Variants in GPC6 observed in about 807,000 individuals in gnomAD.
The protein encoded by GPC6 is glypican-6.
Under a neutral mutation model 55.2 loss-of-function variants are expected in GPC6, and 14 were observed. The ratio of observed to expected loss-of-function variants is 0.25; its 90% confidence interval spans 0.17 to 0.40. The LOEUF is 0.40. Ranked by LOEUF, GPC6 falls within the 10% of genes least tolerant of loss-of-function variation. The pLI is 1.00. For missense variants in GPC6, 641 were observed against 708.5 expected (o/e 0.90, Z 1.08); for synonymous variants, 278 against 259.6 (o/e 1.07, Z -0.68).
At chr13:94,274,486 C>T (rs1206266069) in intron 4 of GPC6, among the ~76,000 whole-genome samples, 1 of 152,000 alleles carries the variant, frequency 6.6e-6, no homozygotes, top group Admixed American at 6.6e-5. Flanking sequence ...TATTGTTTAC[C>T]TCATTCTGGG....
intron 2 of GPC6, among the ~76,000 whole-genome samples, chr13:93,717,602 A>G (rs1465795498): frequency 6.6e-6 from 1 of 151,546 alleles, no homozygotes; most frequent in African/African-American, 2.4e-5. Context: ...GAAAACAACT[A>G]TTATTTTTTA....
intron 2 of GPC6, among the ~76,000 whole-genome samples, chr13:93,668,467 C>T (rs941734749): frequency 1.3e-5 from 2 of 152,138 alleles, no homozygotes; most frequent in African/African-American, 2.4e-5. Context: ...CCTATGAATA[C>T]GACCTTATTT....
intron 3 of GPC6, among the ~76,000 whole-genome samples, chr13:93,862,865 CT>C (rs1340269653): frequency 6.6e-6 from 1 of 151,428 alleles, no homozygotes; most frequent in Non-Finnish European, 1.5e-5. Flanking sequence ...TTTTTTTTCT[CT>C]CTCTGGTTAG....
chr13:93,979,097 A>G (rs547237693), intron 3 of GPC6, among the ~76,000 whole-genome samples: 2 of 152,222 alleles, frequency 1.3e-5, no homozygotes, highest in East Asian at 3.9e-4. Flanking sequence ...GGACAACACT[A>G]TCCAATAGAA....
chr13:93,347,923 G>A (rs74743206), intron 1 of GPC6, among the ~76,000 whole-genome samples: 2,392 of 152,242 alleles, frequency 0.016, 50 homozygotes, highest in African/African-American at 0.051. Context: ...GAGTAAACCA[G>A]TGTGGGCAAA....
intron 2 of GPC6, among the ~76,000 whole-genome samples, chr13:93,659,138 C>T (rs1438940772): frequency 6.6e-6 from 1 of 151,696 alleles, no homozygotes; most frequent in Non-Finnish European, 1.5e-5. Context: ...TTGTCATATT[C>T]GTTAGTATAA....
At chr13:94,048,034 A>G (rs1270863021) in intron 4 of GPC6, among the ~76,000 whole-genome samples, 3 of 152,100 alleles carry the variant, frequency 2.0e-5, no homozygotes, top group African/African-American at 7.2e-5. Context: ...TGGCAATTAA[A>G]AAAAAAATAA....
intron 3 of GPC6, among the ~76,000 whole-genome samples, chr13:93,842,720 C>T (rs909202563): frequency 5.9e-5 from 9 of 151,932 alleles, no homozygotes; most frequent in African/African-American, 1.9e-4. Flanking sequence ...TAAGTTGTTG[C>T]TCCAGCTTAA....
chr13:94,397,655 G>A (rs1450994186), intron 7 of GPC6, among the ~76,000 whole-genome samples: 1 of 152,136 alleles, frequency 6.6e-6, no homozygotes, highest in African/African-American at 2.4e-5. Context: ...AGTTGAGAAT[G>A]GGCATCCTCA....
chr13:93,598,213 C>G (rs1337720158), intron 2 of GPC6, among the ~76,000 whole-genome samples: 1 of 152,124 alleles, frequency 6.6e-6, no homozygotes, highest in African/African-American at 2.4e-5. Flanking sequence ...GTTGGCATCT[C>G]TAACCCCCAC....
intron 2 of GPC6, among the ~76,000 whole-genome samples, chr13:93,723,979 T>C (rs912879848): frequency 3.3e-5 from 5 of 152,010 alleles, no homozygotes; most frequent in Admixed American, 3.3e-4. Flanking sequence ...ATTTGTGTTT[T>C]ACTCCTAAGG....
intron 4 of GPC6, among the ~76,000 whole-genome samples, chr13:94,137,159 T>C (rs1282139575): frequency 6.6e-6 from 1 of 152,242 alleles, no homozygotes; most frequent in East Asian, 1.9e-4. Flanking sequence ...AGATCGCTTG[T>C]ACATGACATA....
chr13:94,317,405 A>AG (rs199740974), intron 6 of GPC6, among the ~76,000 whole-genome samples: 3 of 151,660 alleles, frequency 2.0e-5, no homozygotes, highest in African/African-American at 7.3e-5. Context: ...CTAGAACAAA[A>AG]GGGTAAACAC....
At chr13:94,013,062 A>G (rs923011136) in intron 3 of GPC6, among the ~76,000 whole-genome samples, 1 of 152,180 alleles carries the variant, frequency 6.6e-6, no homozygotes, top group East Asian at 1.9e-4. Flanking sequence ...ATAAAAGGCA[A>G]ATCCTCATAA....
At chr13:94,177,213 A>G (rs1317464839) in intron 4 of GPC6, among the ~76,000 whole-genome samples, 1 of 152,200 alleles carries the variant, frequency 6.6e-6, no homozygotes, top group Non-Finnish European at 1.5e-5. Flanking sequence ...CATGTAAGAG[A>G]ACACGATGTA....
intron 4 of GPC6, among the ~76,000 whole-genome samples, chr13:94,190,159 C>T (rs1320921015): frequency 6.6e-6 from 1 of 151,426 alleles, no homozygotes; most frequent in Admixed American, 6.6e-5. Context: ...CCTGTCTTTA[C>T]TAAAAATACA....
At chr13:93,357,827 CA>C (rs1266928463) in intron 1 of GPC6, among the ~76,000 whole-genome samples, 1 of 152,052 alleles carries the variant, frequency 6.6e-6, no homozygotes, top group Non-Finnish European at 1.5e-5. Flanking sequence ...AGCCTGCCTC[CA>C]AAAAATGTAA....
At position 93,906,325 on chromosome 13, in the gene GPC6, C is replaced by T. The variant is rs1017319395; in HGVS notation, c.711+75780C>T. 3.3e-5 allele frequency among the ~76,000 whole-genome samples: 5 copies of T among 152,234 alleles called. No homozygotes were observed. In the South Asian group the frequency reaches 8.3e-4, roughly 25 times the overall value. On this transcript the variant is annotated intron_variant, in intron 3 of 8. Transcript: ENST00000377047. ...CACTGTAATTGAAACCTTCCAGTCCCAATTCCAAACTCTCAGAGAAGGAAC... is the reference window on the plus strand; with the variant it reads ...CACTGTAATTGAAACCTTCCAGTCCTAATTCCAAACTCTCAGAGAAGGAAC...
chr13:93,331,438 T>A lies in GPC6; in HGVS notation c.160+103822T>A, dbSNP rs1879840316. On this transcript the variant is annotated intron_variant, in intron 1 of 8. Transcript: ENST00000377047. ...CTTTCTTAAGAAGCGTGGTAGAGTA[T>A]GATTCATCAACTTGAGAAAGGTTAG... 2.0e-5 allele frequency among the ~76,000 whole-genome samples: 3 copies of A among 152,324 alleles called. No homozygotes were observed. The South Asian group carries it at 6.2e-4, about 32-fold the overall frequency.
Sources: allele counts gnomAD v4.1 joint callset (sites outside exome capture counted in the v4.1 genomes callset), GRCh38; gene constraint gnomAD v4.1.1; transcripts MANE v1.5; gene names NCBI Gene and HGNC (gene_info 2026-07-23, HGNC 2026-07-21).